The following RUNX1 variants were observed in gnomAD, a reference collection of about 807,000 sequenced individuals.
RUNX1 encodes RUNX family transcription factor 1, also known as runt-related transcription factor 1.
A neutral mutation model predicts 42.8 loss-of-function variants in RUNX1; 19 were observed. The ratio of observed to expected loss-of-function variants is 0.44; its 90% CI spans 0.31 to 0.65. The LOEUF is 0.65. Among genes scored for constraint, RUNX1 ranks in the 30% least tolerant of loss-of-function variants. The pLI is 0.07. For missense variants in RUNX1, 528 were observed against 672.0 expected (o/e 0.79, Z 2.37); for synonymous variants, 271 against 289.4 (o/e 0.94, Z 0.64).
chr21:34,913,516 G>A (rs562081887), intron 2 of RUNX1, among the ~76,000 whole-genome samples: 1 of 152,300 alleles, frequency 6.6e-6, no homozygotes, highest in South Asian at 2.1e-4. Context: ...GCGTCAGCTG[G>A]ACACCACACG....
chr21:35,028,434 T>C (rs1219523194), intron 2 of RUNX1, among the ~76,000 whole-genome samples: 1 of 152,212 alleles, frequency 6.6e-6, no homozygotes, highest in African/African-American at 2.4e-5. Flanking sequence ...CACTGCCCTC[T>C]GAGCACTCCT....
chr21:35,016,237 T>A (rs1569152091), intron 2 of RUNX1, among the ~76,000 whole-genome samples: 1 of 152,224 alleles, frequency 6.6e-6, no homozygotes, highest in African/African-American at 2.4e-5. Context: ...TTGTCTTCAG[T>A]GCTCTCTGCT....
intron 2 of RUNX1, among the ~76,000 whole-genome samples, chr21:34,970,702 A>T (rs970985379): frequency 2.0e-5 from 3 of 152,048 alleles, no homozygotes; most frequent in Non-Finnish European, 4.4e-5. Flanking sequence ...CCCCACACTA[A>T]CCTTGTGAGG....
chr21:34,987,530 G>A (rs768621580), intron 2 of RUNX1, among the ~76,000 whole-genome samples: 1 of 152,196 alleles, frequency 6.6e-6, no homozygotes, highest in Non-Finnish European at 1.5e-5. Flanking sequence ...TGTCAAGGGG[G>A]AGATGAGCCA....
chr21:35,031,092 T>G (rs1356834808), intron 2 of RUNX1, among the ~76,000 whole-genome samples: 1 of 152,186 alleles, frequency 6.6e-6, no homozygotes, highest in Non-Finnish European at 1.5e-5. Flanking sequence ...CTCACGCCTG[T>G]AATCCCAGCA....
chr21:34,919,672 G>A (rs1048273341), intron 2 of RUNX1, among the ~76,000 whole-genome samples: 1 of 152,190 alleles, frequency 6.6e-6, no homozygotes, highest in South Asian at 2.1e-4. Flanking sequence ...TTCTTCGATT[G>A]AGTGGTCTCC....
intron 2 of RUNX1, among the ~76,000 whole-genome samples, chr21:35,026,837 T>C (rs1205286565): frequency 6.6e-6 from 1 of 152,256 alleles, no homozygotes; most frequent in Non-Finnish European, 1.5e-5. Context: ...GGCGCAGCTC[T>C]GGTGCGCAGC....
In RUNX1 at chr21:34,822,905, G is replaced by A. The variant is rs544496531; in HGVS notation, c.805+11505C>T. ...GCAACTCCAGGAAGTGCAATCCCTAGTCACATTATTTCTTCCTCCCTTTTT... is the reference window on the plus strand; with the variant it reads ...GCAACTCCAGGAAGTGCAATCCCTAATCACATTATTTCTTCCTCCCTTTTT... On this transcript the variant is annotated intron_variant, in intron 7 of 8. Transcript: ENST00000675419. Among the ~76,000 whole-genome samples, 3 of 152,258 alleles carry A rather than the reference G, an allele frequency of 2.0e-5. No individual in the cohort carries two copies. In the South Asian group the frequency reaches 6.2e-4, roughly 32 times the overall value.
At chr21:34,898,805 T>G (rs1252946959) in intron 2 of RUNX1, among the ~76,000 whole-genome samples, 5 of 152,196 alleles carry the variant, frequency 3.3e-5, no homozygotes, top group African/African-American at 1.2e-4. Flanking sequence ...CCTCAGCAGG[T>G]CTCGGAAGAA....
intron 2 of RUNX1, among the ~76,000 whole-genome samples, chr21:34,900,324 T>A (rs970423925): frequency 6.6e-6 from 1 of 152,188 alleles, no homozygotes; most frequent in African/African-American, 2.4e-5. Flanking sequence ...GGCTAGTGGC[T>A]ACCATATTGG....
intron 2 of RUNX1, among the ~76,000 whole-genome samples, chr21:34,976,436 TTTG>T (rs766841790): frequency 4.6e-5 from 7 of 152,226 alleles, no homozygotes; most frequent in Non-Finnish European, 1.0e-4. Context: ...AGGATTGAGC[TTTG>T]GAGGTCCACA....
intron 2 of RUNX1, among the ~76,000 whole-genome samples, chr21:35,023,565 G>T (rs944671813): frequency 2.0e-5 from 3 of 152,210 alleles, no homozygotes; most frequent in Non-Finnish European, 4.4e-5. Flanking sequence ...GGTTCAAGTT[G>T]ACCTGCGGGG....
At chr21:35,011,495 C>T (rs1459637664) in intron 2 of RUNX1, among the ~76,000 whole-genome samples, 2 of 152,204 alleles carry the variant, frequency 1.3e-5, no homozygotes, top group African/African-American at 2.4e-5. Flanking sequence ...GTGGATCCCT[C>T]CGTGGGTTGA....
intron 2 of RUNX1, among the ~76,000 whole-genome samples, chr21:34,958,628 T>G (rs371411290): frequency 1.1e-4 from 16 of 152,318 alleles, no homozygotes; most frequent in Admixed American, 4.6e-4. Flanking sequence ...CAACCATTGT[T>G]GAAGTCAGTG....
intron 6 of RUNX1, among the ~76,000 whole-genome samples, chr21:34,852,596 G>C (rs1347705549): frequency 6.6e-6 from 1 of 152,200 alleles, no homozygotes; most frequent in Non-Finnish European, 1.5e-5. Context: ...AGTACCAGGG[G>C]GAAGTTCCCC....
chr21:34,947,353 C>G (rs1254112251), intron 2 of RUNX1, among the ~76,000 whole-genome samples: 1 of 152,150 alleles, frequency 6.6e-6, no homozygotes. Context: ...ATTTACCAAT[C>G]TGCTGCTCAA....
rs2145875398 is a variant in RUNX1, at chr21:34,792,369, G to A, written c.1209C>T (p.Tyr403=). ...CGGCCGAGGCGCCGTAGTACAGGTG[G>A]TAGGAGGGCGAGCTGGCTTGGAACG... is the stretch of plus-strand genomic sequence containing the variant. The part of the protein sequence containing the change: ...GGPFQASSPS[Y]HLYYGASAGS... The change falls in exon 9 of 9, where the codon TAC becomes TAT. Residue 403 remains tyrosine (Y), a synonymous_variant. Transcript: ENST00000675419. This position sits in a 1 kb window ranked among gnomAD's most constrained non-coding sequence, Gnocchi z 6.9. 2 of 1,563,346 alleles carry A rather than the reference G, an allele frequency of 1.3e-6. No individual in the cohort carries two copies. Among genetic ancestry groups the A allele is most frequent in the Non-Finnish European group, 8.7e-7 (1 of 1,153,770 alleles).
chr21:34,985,166 C>A (rs990115), intron 2 of RUNX1, among the ~76,000 whole-genome samples: 46 of 152,106 alleles, frequency 3.0e-4, no homozygotes, highest in Non-Finnish European at 6.2e-4. Context: ...ACTTAGCACT[C>A]CATTGAAAGG....
At chr21:35,010,803 T>C (rs1416895295) in intron 2 of RUNX1, among the ~76,000 whole-genome samples, 1 of 152,138 alleles carries the variant, frequency 6.6e-6, no homozygotes, top group Non-Finnish European at 1.5e-5. Context: ...GAAAATAAAA[T>C]CTAAAAACTG....
Sources: allele counts gnomAD v4.1 joint callset (sites outside exome capture counted in the v4.1 genomes callset), GRCh38; gene constraint gnomAD v4.1.1; non-coding constraint Gnocchi (gnomAD v3.1); transcripts MANE v1.5; gene names NCBI Gene and HGNC (gene_info 2026-07-23, HGNC 2026-07-21).